FOXP1: variants seen among roughly 807,000 people sequenced by gnomAD.
FOXP1 encodes forkhead box P1.
FOXP1 carries 15 observed loss-of-function variants against 98.2 expected under a neutral mutation model. The ratio of observed to expected loss-of-function variants is 0.15; its 90% CI spans 0.10 to 0.24. The LOEUF (loss-of-function observed/expected upper bound fraction) is 0.24, where lower values mean the gene tolerates loss of function less well. Ranked by LOEUF, FOXP1 falls within the 10% of genes least tolerant of loss-of-function variation. The probability of loss-of-function intolerance (pLI) is 1.00; values close to 1 mark genes in which losing one functional copy is unlikely to be tolerated. For synonymous variants in FOXP1, 371 were observed against 314.5 expected, an observed-to-expected ratio of 1.18 and a Z score of -1.90; for missense variants, 633 against 848.5, an observed-to-expected ratio of 0.75 and a Z score of 3.15.
chr3:71,501,471 T>G (rs1469194812), intron 2 of FOXP1, among the ~76,000 whole-genome samples: 3 of 151,908 alleles, frequency 2.0e-5, no homozygotes, highest in African/African-American at 7.3e-5. Context: ...ATTTTTGTAT[T>G]TTTAGTAGAA....
At chr3:70,974,651 T>C (rs1354531236) in intron 17 of FOXP1, among the ~76,000 whole-genome samples, 1 of 152,226 alleles carries the variant, frequency 6.6e-6, no homozygotes, top group East Asian at 1.9e-4. Flanking sequence ...TGTTACTTAC[T>C]GGAACAAAAT....
chr3:71,574,703 G>A (rs1239726325), intron 2 of FOXP1, among the ~76,000 whole-genome samples: 1 of 152,126 alleles, frequency 6.6e-6, no homozygotes, highest in South Asian at 2.1e-4. Context: ...ATTCTAGAGA[G>A]TCATCTGACA....
chr3:71,130,397 T>C (rs1162996505), intron 6 of FOXP1: 2 of 1,159,330 alleles, frequency 1.7e-6, no homozygotes, highest in East Asian at 2.5e-5. Context: ...ACAAGTTGGA[T>C]CACCTTATTT....
chr3:71,049,563 A>G (rs905174046), intron 9 of FOXP1, among the ~76,000 whole-genome samples: 4 of 152,070 alleles, frequency 2.6e-5, no homozygotes, highest in African/African-American at 9.7e-5. Context: ...GGGAAGGAAA[A>G]AAAAAAGAGC....
chr3:71,381,563 C>T (rs1351814228), intron 3 of FOXP1, among the ~76,000 whole-genome samples: 2 of 151,682 alleles, frequency 1.3e-5, no homozygotes, highest in Non-Finnish European at 2.9e-5. Context: ...CCTACCTCAG[C>T]CTCCCAAATA....
chr3:71,091,515 AAAAC>A (rs967778046), intron 7 of FOXP1, among the ~76,000 whole-genome samples: 8 of 151,284 alleles, frequency 5.3e-5, no homozygotes, highest in Middle Eastern at 3.4e-3. Flanking sequence ...AAAACAAAAC[AAAAC>A]AAACAAACAA....
At chr3:71,438,542 C>T (rs984112445) in intron 3 of FOXP1, among the ~76,000 whole-genome samples, 5 of 152,052 alleles carry the variant, frequency 3.3e-5, no homozygotes, top group African/African-American at 7.2e-5. Flanking sequence ...TTTCGACTTA[C>T]GGCCACCTTC....
intron 13 of FOXP1, among the ~76,000 whole-genome samples, chr3:71,000,292 T>C (rs1356743685): frequency 1.3e-5 from 1 of 74,882 alleles, no homozygotes. Context: ...GGTTTCTAAA[T>C]ACTAGATTTT....
At chr3:71,430,828 C>T (rs1402624101) in intron 3 of FOXP1, among the ~76,000 whole-genome samples, 2 of 151,820 alleles carry the variant, frequency 1.3e-5, no homozygotes, top group African/African-American at 4.8e-5. Context: ...GGAGGGGAGG[C>T]GGCGGGGGGC....
chr3:71,380,751 C>G (rs1445895095), intron 3 of FOXP1, among the ~76,000 whole-genome samples: 1 of 115,056 alleles, frequency 8.7e-6, no homozygotes. Context: ...GTGTTTGCCT[C>G]TCATTACTCT....
intron 3 of FOXP1, among the ~76,000 whole-genome samples, chr3:71,398,741 A>G (rs962811606): frequency 6.6e-6 from 1 of 152,174 alleles, no homozygotes; most frequent in Non-Finnish European, 1.5e-5. Flanking sequence ...TATCTAACTT[A>G]CATCTTCATG....
intron 12 of FOXP1, among the ~76,000 whole-genome samples, chr3:71,006,516 T>C (rs1413070784): frequency 1.3e-5 from 2 of 152,150 alleles, no homozygotes; most frequent in Non-Finnish European, 2.9e-5. Context: ...TTTAACTACT[T>C]TTATTGAAAG....
intron 6 of FOXP1, among the ~76,000 whole-genome samples, chr3:71,178,892 AAAAC>A (rs1398995456): frequency 4.6e-5 from 7 of 151,672 alleles, no homozygotes; most frequent in Non-Finnish European, 8.8e-5. Context: ...TCAAAAACAA[AAAAC>A]AAACAAACAA....
At chr3:71,032,587 T>C (rs1314762233) in intron 11 of FOXP1, among the ~76,000 whole-genome samples, 1 of 152,190 alleles carries the variant, frequency 6.6e-6, no homozygotes, top group African/African-American at 2.4e-5. Context: ...GCTGTACATA[T>C]CTAACGCACT....
At chr3:71,360,663 C>G (rs1033282251) in intron 3 of FOXP1, 7 of 151,406 alleles carry the variant, frequency 4.6e-5, no homozygotes, top group Non-Finnish European at 1.0e-4. Context: ...AGGACTCTCA[C>G]TAATACAGAA....
intron 6 of FOXP1, among the ~76,000 whole-genome samples, chr3:71,135,097 A>G (rs2059754352): frequency 6.6e-6 from 1 of 151,928 alleles, no homozygotes; most frequent in Admixed American, 6.6e-5. Context: ...CATCTCTACC[A>G]AAAATACAAA....
intron 5 of FOXP1, among the ~76,000 whole-genome samples, chr3:71,244,351 C>G (rs2067537619): frequency 6.6e-6 from 1 of 152,122 alleles, no homozygotes; most frequent in South Asian, 2.1e-4. Context: ...GTCAGCCACT[C>G]ATGCATTAGG....
intron 2 of FOXP1, chr3:71,581,189 A>T (rs1295848429): frequency 1.0e-6 from 1 of 985,346 alleles, no homozygotes; most frequent in Non-Finnish European, 1.2e-6. Flanking sequence ...CTTTGTAATC[A>T]GCCCAGCAAG....
intron 6 of FOXP1, among the ~76,000 whole-genome samples, chr3:71,189,952 G>A (rs894125122): frequency 1.3e-5 from 2 of 152,226 alleles, no homozygotes; most frequent in Non-Finnish European, 2.9e-5. Context: ...CAACAACAGG[G>A]TGCCCTCAAT....
Sources: allele counts gnomAD v4.1 joint callset (sites outside exome capture counted in the v4.1 genomes callset), GRCh38; gene constraint gnomAD v4.1.1; transcripts MANE v1.5; gene names NCBI Gene and HGNC (gene_info 2026-07-23, HGNC 2026-07-21).